The following TSC22D1 variants were observed in gnomAD, a reference collection of about 807,000 sequenced individuals.
TSC22D1 encodes TSC22 domain family member 1.
A neutral mutation model predicts 74.2 loss-of-function variants in TSC22D1; 9 were observed. The ratio of observed to expected loss-of-function variants is 0.12; its 90% CI spans 0.07 to 0.21. The LOEUF is 0.21. Among genes scored for constraint, TSC22D1 ranks in the 10% least tolerant of loss-of-function variants. The pLI is 1.00. For missense variants in TSC22D1, 1,427 were observed against 1,304.7 expected (o/e 1.09, Z -1.44); for synonymous variants, 586 against 492.5 (o/e 1.19, Z -2.51).
At chr13:44,465,527 T>C (rs1269580087) in intron 1 of TSC22D1, among the ~76,000 whole-genome samples, 4 of 152,158 alleles carry the variant, frequency 2.6e-5, no homozygotes, top group Non-Finnish European at 4.4e-5. Flanking sequence ...GTGAGTCAGC[T>C]GCCACAGGTG....
chr13:44,446,807 A>G (rs1439485848), intron 1 of TSC22D1, among the ~76,000 whole-genome samples: 1 of 147,806 alleles, frequency 6.8e-6, no homozygotes, highest in Non-Finnish European at 1.5e-5. Context: ...GAGGAAAAGG[A>G]GGAGGAAGAG....
At chr13:44,484,217 G>A (rs1878325536) in intron 1 of TSC22D1, among the ~76,000 whole-genome samples, 1 of 152,162 alleles carries the variant, frequency 6.6e-6, no homozygotes. Context: ...TTTGAGGTTT[G>A]AGTAGCCTAA....
At chr13:44,535,808 G>A (rs1272628086) in intron 1 of TSC22D1, among the ~76,000 whole-genome samples, 1 of 151,914 alleles carries the variant, frequency 6.6e-6, no homozygotes, top group African/African-American at 2.4e-5. Flanking sequence ...GAAGGTTACT[G>A]ATGATGTAGA....
intron 1 of TSC22D1, among the ~76,000 whole-genome samples, chr13:44,444,320 A>AAAAAAAAAAAAAAAAAAAAAAAAAAAG (rs1875460887): frequency 7.9e-6 from 1 of 126,222 alleles, no homozygotes; most frequent in Non-Finnish European, 1.7e-5. Context: ...AAAAGAAAAG[A>AAAAAAAAAAAAAAAAAAAAAAAAAAAG]AAAAGAAAAA....
intron 1 of TSC22D1, among the ~76,000 whole-genome samples, chr13:44,461,414 A>G (rs942851711): frequency 6.6e-6 from 1 of 152,192 alleles, no homozygotes; most frequent in Non-Finnish European, 1.5e-5. Flanking sequence ...GGGCAAAGTA[A>G]TAAGTGTGAT....
intron 1 of TSC22D1, among the ~76,000 whole-genome samples, chr13:44,440,029 C>T (rs1875058018): frequency 6.6e-6 from 1 of 152,190 alleles, no homozygotes; most frequent in African/African-American, 2.4e-5. Context: ...TGTCTAAGGA[C>T]TCCCACGTCA....
intron 1 of TSC22D1, among the ~76,000 whole-genome samples, chr13:44,543,226 G>A (rs756923375): frequency 1.3e-5 from 2 of 151,972 alleles, no homozygotes; most frequent in Non-Finnish European, 2.9e-5. Flanking sequence ...TGCAATATTT[G>A]TTCTCAATAT....
chr13:44,460,869 CCTT>C (rs1373254726), intron 1 of TSC22D1, among the ~76,000 whole-genome samples: 1 of 152,128 alleles, frequency 6.6e-6, no homozygotes, highest in African/African-American at 2.4e-5. Context: ...AAGAAGCCCT[CCTT>C]CTAAAAAGCT....
At chr13:44,523,636 C>A (rs577682881) in intron 1 of TSC22D1, among the ~76,000 whole-genome samples, 1 of 151,914 alleles carries the variant, frequency 6.6e-6, no homozygotes, top group Non-Finnish European at 1.5e-5. Context: ...GTATGTGGCA[C>A]GCAGAGAAGA....
chr13:44,434,887 G>C lies in TSC22D1; in HGVS notation c.2965-4C>G. 1 of 1,608,604 alleles carries C rather than the reference G, an allele frequency of 6.2e-7. No individual in the cohort carries two copies. On this transcript the variant is annotated splice_polypyrimidine_tract_variant and splice_region_variant and intron_variant, in intron 2 of 2. Transcript: ENST00000458659. ...TCAAATGGCTTTTCACTAGATCCTGGAAAGAAGACAGAAAAGGTTTAACTC... is the reference window on the plus strand; with the variant it reads ...TCAAATGGCTTTTCACTAGATCCTGCAAAGAAGACAGAAAAGGTTTAACTC...
In TSC22D1 at chr13:44,575,825, T is replaced by C; in HGVS notation, c.250A>G (p.Ser84Gly). The stretch of plus-strand genomic sequence containing the variant: ...TGAGCCTGCGAAAGGAGGTTCAGGC[T>C]TTGTGGAGGCGGAGGCTGTGGTCCC... ...TSGPQPPPPQ[S>G]LNLLSQAQLQ... Residue 84 changes from serine to glycine, a missense_variant, in exon 1 of 3, where the codon AGC (serine) becomes GGC (glycine). Coordinates refer to ENST00000458659, the MANE Select transcript of TSC22D1 (RefSeq NM_183422.4). 6.2e-7 allele frequency: 1 copy of C among 1,613,590 alleles called. No homozygotes were observed. The highest frequency in any genetic ancestry group is 8.5e-7 in the Non-Finnish European group (1 of 1,179,852).
At chr13:44,455,520 T>G (rs1246081734) in intron 1 of TSC22D1, among the ~76,000 whole-genome samples, 4 of 152,234 alleles carry the variant, frequency 2.6e-5, no homozygotes, top group Non-Finnish European at 5.9e-5. Context: ...TGCCACTTTA[T>G]ATTCTAAACT....
intron 1 of TSC22D1, among the ~76,000 whole-genome samples, chr13:44,437,639 CA>C (rs1473246374): frequency 6.6e-6 from 1 of 152,082 alleles, no homozygotes; most frequent in African/African-American, 2.4e-5. Flanking sequence ...TATTTAGACC[CA>C]AAAAAGTCAA....
In TSC22D1 at chr13:44,434,363, A is replaced by T; in HGVS notation, c.*263T>A. ...CTGAGCATGAATTAAACCATTTCTC[A>T]GATATCTGCCAAGCTGCATGAGGTC... On this transcript the variant is annotated 3_prime_UTR_variant, in exon 3 of 3. Transcript: ENST00000458659. 7.3e-7 allele frequency: 1 copy of T among 1,372,944 alleles called. No homozygotes were observed. Among genetic ancestry groups the T allele is most frequent in the East Asian group, 2.9e-5 (1 of 34,992 alleles). 85.0% of individuals were successfully genotyped at this position (1,372,944 alleles called of 1,614,324 possible).
intron 1 of TSC22D1, among the ~76,000 whole-genome samples, chr13:44,560,347 A>G (rs1211932192): frequency 6.6e-6 from 1 of 152,194 alleles, no homozygotes; most frequent in Non-Finnish European, 1.5e-5. Context: ...CTAAACATCT[A>G]AATCATTAAA....
intron 1 of TSC22D1, among the ~76,000 whole-genome samples, chr13:44,543,714 G>A (rs1881624444): frequency 6.6e-6 from 1 of 152,178 alleles, no homozygotes; most frequent in Admixed American, 6.5e-5. Flanking sequence ...AAACAAAGGA[G>A]AATTTTGTCA....
At chr13:44,451,795 A>G (rs142402393) in intron 1 of TSC22D1, among the ~76,000 whole-genome samples, 1 of 152,264 alleles carries the variant, frequency 6.6e-6, no homozygotes, top group African/African-American at 2.4e-5. Flanking sequence ...GACCCCAGTG[A>G]GCTATAGGGG....
intron 1 of TSC22D1, among the ~76,000 whole-genome samples, chr13:44,458,781 G>A (rs1029093107): frequency 3.3e-5 from 5 of 152,176 alleles, no homozygotes; most frequent in Admixed American, 2.0e-4. Flanking sequence ...GTGTGTGTGC[G>A]CTCGGGGCAG....
At chr13:44,466,548 C>T (rs956503055) in intron 1 of TSC22D1, among the ~76,000 whole-genome samples, 2 of 151,816 alleles carry the variant, frequency 1.3e-5, no homozygotes, top group Admixed American at 6.6e-5. Context: ...GCAGGCGAAT[C>T]GCTTGAGCTC....
Sources: gnomAD v4.1 joint callset for allele counts (sites outside exome capture counted in the v4.1 genomes callset) on GRCh38, gnomAD v4.1.1 for gene constraint, MANE v1.5 for transcripts, NCBI Gene and HGNC (gene_info 2026-07-23, HGNC 2026-07-21) for gene names.